Variants in SSH2 observed in about 807,000 individuals in gnomAD.
SSH2 encodes slingshot protein phosphatase 2.
In SSH2, 37 loss-of-function variants were observed where a neutral mutation model predicts 135.2. That is an observed-to-expected ratio of 0.27 (90% confidence interval 0.21 to 0.36). The LOEUF is 0.36. Among genes scored for constraint, SSH2 ranks in the 10% least tolerant of loss-of-function variants. The probability of loss-of-function intolerance (pLI) is 1.00; values close to 1 mark genes in which losing one functional copy is unlikely to be tolerated. For synonymous variants in SSH2, 628 were observed against 646.2 expected, an observed-to-expected ratio of 0.97 and a Z score of 0.43; for missense variants, 1,408 against 1,765.3, an observed-to-expected ratio of 0.80 and a Z score of 3.63.
rs183369697 is a variant in SSH2, at chr17:29,650,320, A to G, written c.1226+334T>C. Among the ~76,000 whole-genome samples, 119 of 152,330 alleles carry G rather than the reference A, an allele frequency of 7.8e-4. 1 individual carries two copies. The highest frequency in any genetic ancestry group is 6.8e-3 in the Middle Eastern group (2 of 294). ...ATCTATCTGAAATAATTTCTATGAT[A>G]TAACTTTTAAAACTCCCCACTGGCA... On this transcript the variant is annotated intron_variant, in intron 13 of 15. Transcript: ENST00000540801.
intron 5 of SSH2, among the ~76,000 whole-genome samples, chr17:29,687,703 A>G (rs2038283568): frequency 6.6e-6 from 1 of 152,190 alleles, no homozygotes; most frequent in Non-Finnish European, 1.5e-5. Flanking sequence ...ATTATTACAT[A>G]TTTATATTTG....
At chr17:29,787,176 T>C (rs897266201) in intron 3 of SSH2, among the ~76,000 whole-genome samples, 1 of 152,208 alleles carries the variant, frequency 6.6e-6, no homozygotes, top group East Asian at 1.9e-4. Flanking sequence ...CATTATTCTG[T>C]CCGCATGAAT....
rs150755598 is a variant in SSH2, at chr17:29,820,609, T to C, written c.145-26672A>G. ...ACCCCATGTCTAAACTCTTATGCTA[T>C]CTACAGTAAAAACTCCCTTCTAGAA... On this transcript the variant is annotated intron_variant, in intron 2 of 15. Transcript: ENST00000540801. Among the ~76,000 whole-genome samples the C allele has an allele frequency of 2.1e-3, 318 of 152,356 alleles. 5 individuals carry two copies. Among genetic ancestry groups the C allele is most frequent in the African/African-American group, 7.1e-3 (297 of 41,586 alleles).
intron 1 of SSH2, among the ~76,000 whole-genome samples, chr17:29,859,747 T>G (rs1395983389): frequency 6.6e-6 from 1 of 152,226 alleles, no homozygotes; most frequent in Admixed American, 6.5e-5. Context: ...AGGGCTGCAA[T>G]GAACATACAC....
intron 2 of SSH2, among the ~76,000 whole-genome samples, chr17:29,845,240 C>T (rs2043111809): frequency 6.6e-6 from 1 of 152,178 alleles, no homozygotes; most frequent in Non-Finnish European, 1.5e-5. Context: ...GATCCCATAC[C>T]ACTTCCTTTG....
intron 11 of SSH2, among the ~76,000 whole-genome samples, chr17:29,663,341 A>G (rs1267656412): frequency 6.6e-6 from 1 of 152,184 alleles, no homozygotes; most frequent in Non-Finnish European, 1.5e-5. Context: ...CAACACCACC[A>G]CTTGCAGCTA....
chr17:29,658,342 G>A (rs1286155601), intron 11 of SSH2, among the ~76,000 whole-genome samples: 1 of 151,904 alleles, frequency 6.6e-6, no homozygotes, highest in African/African-American at 2.4e-5. Flanking sequence ...TCGTTATGAT[G>A]CCCAGGCTGG....
At chr17:29,829,218 T>C (rs185856280) in intron 2 of SSH2, among the ~76,000 whole-genome samples, 56 of 152,330 alleles carry the variant, frequency 3.7e-4, no homozygotes, top group Non-Finnish European at 6.5e-4. Context: ...GCAACCATTA[T>C]CTCATTTAAT....
At chr17:29,822,791 G>C (rs1187927343) in intron 2 of SSH2, among the ~76,000 whole-genome samples, 1 of 152,118 alleles carries the variant, frequency 6.6e-6, no homozygotes, top group East Asian at 1.9e-4. Context: ...TATCACGATG[G>C]GAGCTAAGAC....
intron 8 of SSH2, 107 bp from the exon 9 acceptor site, chr17:29,672,236 C>T: frequency 1.3e-6 from 1 of 791,400 alleles, no homozygotes; most frequent in Non-Finnish European, 2.0e-6. Flanking sequence ...AGAATTTGTC[C>T]TCTGGACAAT....
chr17:29,927,871 G>C (rs1420067062), intron 1 of SSH2, among the ~76,000 whole-genome samples: 1 of 152,114 alleles, frequency 6.6e-6, no homozygotes, highest in Non-Finnish European at 1.5e-5. Flanking sequence ...TAGTGATTTT[G>C]CTCAACAACT....
At chr17:29,662,020 A>C (rs951015937) in intron 11 of SSH2, among the ~76,000 whole-genome samples, 4 of 152,180 alleles carry the variant, frequency 2.6e-5, no homozygotes, top group Admixed American at 1.3e-4. Context: ...TTGCAGACCC[A>C]ATTTCCCCCC....
chr17:29,872,979 G>T (rs891700837), intron 1 of SSH2, among the ~76,000 whole-genome samples: 1 of 151,560 alleles, frequency 6.6e-6, no homozygotes. Context: ...CTGGGCAACA[G>T]AGTGAAACTT....
chr17:29,632,064 T>C lies in SSH2; in HGVS notation c.3130A>G (p.Ile1044Val). The change falls in exon 16 of 16, where the codon ATA becomes GTA. Residue 1044 changes from isoleucine to valine, a missense_variant. By Grantham distance (29) the Ile-to-Val change is conservative. This residue lies in a region of SSH2 where 1,080 missense variants were observed against 1,144.5 expected (regional missense o/e 0.94). Transcript: ENST00000540801. The part of the protein sequence containing the change: ...KRVEIIEYTH[I>V]VTSPNHTGPG... The stretch of plus-strand genomic sequence containing the variant: ...CCAGTGTGATTGGGTGATGTAACTA[T>C]GTGGGTATATTCAATGATTTCTACC... 6.2e-7 allele frequency: 1 copy of C among 1,614,208 alleles called. No individual in the cohort carries two copies. Among genetic ancestry groups the C allele is most frequent in the Non-Finnish European group, 8.5e-7 (1 of 1,180,038 alleles).
chr17:29,626,890 C>A lies in SSH2; in HGVS notation c.*3951G>T, dbSNP rs2150951011. 1 of 152,624 alleles carries A rather than the reference C, an allele frequency of 6.6e-6. No individual in the cohort carries two copies. Among genetic ancestry groups the A allele is most frequent in the Non-Finnish European group, 1.5e-5 (1 of 68,032 alleles). The allele number at this position is 152,624 out of a possible 1,614,324, so 9.5% of individuals were successfully genotyped here. A position where few individuals can be genotyped will look rare whatever the true frequency, so the allele number is the denominator to read the frequency against. ...GATGCTGAAACAGCTAAAATTTCAT[C>A]TTATCCACCATCAAAAAGCAAAACA... On this transcript the variant is annotated 3_prime_UTR_variant, in exon 16 of 16. Coordinates refer to ENST00000540801, the MANE Select transcript of SSH2 (RefSeq NM_001282129.2).
intron 1 of SSH2, among the ~76,000 whole-genome samples, chr17:29,853,590 A>G (rs945473893): frequency 4.4e-4 from 67 of 151,932 alleles, no homozygotes; most frequent in Admixed American, 3.5e-3. Context: ...AGGAGGGCAA[A>G]GTCAAACTCA....
rs11449000 is a variant in SSH2 at position 29,725,347 on chromosome 17, C to CAAAAAAAAAAAAAAAAAAA, written c.189-22304_189-22286dup. On this transcript the variant is annotated intron_variant, in intron 3 of 15. Coordinates refer to ENST00000540801, the MANE Select transcript of SSH2 (RefSeq NM_001282129.2). Reference sequence around the variant, plus strand: ...GGGCGACACAGCAAGAATCAGTCTCCAAAAAAAAAAAAAAAAAAAAAAGCC... The same window carrying CAAAAAAAAAAAAAAAAAAA: ...GGGCGACACAGCAAGAATCAGTCTCCAAAAAAAAAAAAAAAAAAAAAAAAAAAAAAAAAAAAAAAAAGCC... Among the ~76,000 whole-genome samples, 2 of 52,788 alleles carry CAAAAAAAAAAAAAAAAAAA rather than the reference C, an allele frequency of 3.8e-5. 1 individual carries two copies. The allele number at this position is 52,788 out of a possible 152,430, so 34.6% of individuals were successfully genotyped here. A position where few individuals can be genotyped will look rare whatever the true frequency, so the allele number is the denominator to read the frequency against.
chr17:29,661,480 T>A (rs7222108), intron 11 of SSH2, among the ~76,000 whole-genome samples: 8,590 of 152,252 alleles, frequency 0.056, 437 homozygotes, highest in African/African-American at 0.14. Flanking sequence ...GTGCTGAAGT[T>A]CCATTTAGGA....
chr17:29,741,934 C>CTTTTTTTTT (rs71138848), intron 3 of SSH2, among the ~76,000 whole-genome samples: 1 of 97,910 alleles, frequency 1.0e-5, no homozygotes, highest in Non-Finnish European at 2.0e-5. Flanking sequence ...ATTTTTTTTT[C>CTTTTTTTTT]TTTTTTTTTT....
Sources: allele counts gnomAD v4.1 joint callset (sites outside exome capture counted in the v4.1 genomes callset), GRCh38; gene constraint gnomAD v4.1.1; regional missense constraint gnomAD v4.1.1; transcripts MANE v1.5; gene names NCBI Gene and HGNC (gene_info 2026-07-23, HGNC 2026-07-21).